CHST12: variants seen among roughly 807,000 people sequenced by gnomAD.
The protein encoded by CHST12 is carbohydrate (chondroitin 4) sulfotransferase 12.
Under a neutral mutation model 27.9 loss-of-function variants are expected in CHST12, and 23 were observed. That is an observed-to-expected ratio of 0.82 (90% CI 0.59 to 1.17). CHST12 has a LOEUF of 1.17. Ranked by LOEUF, CHST12 falls within the 50% of genes most tolerant of loss-of-function variation. The pLI, the probability that CHST12 is intolerant of heterozygous loss-of-function variation, is 0.00. For missense variants in CHST12, 682 were observed against 603.0 expected (o/e 1.13, Z -1.37); for synonymous variants, 322 against 273.0 (o/e 1.18, Z -1.77).
chr7:2,433,653 C>A lies in CHST12; in HGVS notation c.1014C>A (p.Phe338Leu). Residue 338 changes from phenylalanine (F) to leucine (L), a missense_variant, in exon 2 of 2, where the codon TTC becomes TTA. By Grantham distance (22) the Phe-to-Leu change is conservative. Transcript: ENST00000618655. This position sits in a 1 kb window ranked among gnomAD's most constrained non-coding sequence, Gnocchi z 6.1. ...ACCCGTGCCAGATCGACTACGACTT[C>A]GTGGGGAAGCTGGAGACTCTGGACG... ...LCHPCQIDYD[F>L]VGKLETLDED... 1.9e-6 allele frequency: 3 copies of A among 1,613,676 alleles called. No individual in the cohort carries two copies. The highest frequency in any genetic ancestry group is 3.3e-4 in the Middle Eastern group (2 of 6,062).
chr7:2,422,000 T>C (rs1020402449), intron 1 of CHST12, among the ~76,000 whole-genome samples: 2 of 152,330 alleles, frequency 1.3e-5, no homozygotes, highest in East Asian at 1.9e-4. Context: ...GTTGTATATA[T>C]GTAATGCTTC....
chr7:2,409,601 G>A (rs1418560768), intron 1 of CHST12, among the ~76,000 whole-genome samples: 1 of 146,692 alleles, frequency 6.8e-6, no homozygotes, highest in Non-Finnish European at 1.5e-5. Flanking sequence ...TAGCCTGGGT[G>A]ACAGAGCAAG....
At chr7:2,412,824 G>A (rs888018960) in intron 1 of CHST12, among the ~76,000 whole-genome samples, 1 of 151,912 alleles carries the variant, frequency 6.6e-6, no homozygotes, top group Non-Finnish European at 1.5e-5. Flanking sequence ...TATGTGCAAA[G>A]CCCTTAGAAC....
At chr7:2,421,546 T>G (rs1462299376) in intron 1 of CHST12, among the ~76,000 whole-genome samples, 16 of 151,698 alleles carry the variant, frequency 1.1e-4, no homozygotes, top group Admixed American at 1.1e-3. Context: ...AAATGGTCCT[T>G]CCATCTCAGC....
rs1782610181 is a variant in CHST12 at position 2,441,702 on chromosome 7, A to C, written c.*7818A>C. On this transcript the variant is annotated 3_prime_UTR_variant, in exon 2 of 2. Coordinates refer to ENST00000618655, the MANE Select transcript of CHST12 (RefSeq NM_018641.5). ...AGCAAGATCTTGTCTTAAAAAAAAA[A>C]AAAAAAAAAAAGGTGTTGTATTTTA... 3.9e-5 allele frequency: 6 copies of C among 151,978 alleles called. No homozygotes were observed. In the South Asian group the frequency reaches 6.2e-4, roughly 16 times the overall value. The allele number at this position is 151,978 out of a possible 1,614,324, so 9.4% of individuals were successfully genotyped here.
chr7:2,424,119 C>T (rs1313797757), intron 1 of CHST12, among the ~76,000 whole-genome samples: 1 of 151,178 alleles, frequency 6.6e-6, no homozygotes, highest in East Asian at 1.9e-4. Flanking sequence ...TTTGGAAGGC[C>T]ATGGTGGGAG....
intron 1 of CHST12, among the ~76,000 whole-genome samples, chr7:2,432,111 C>T (rs1782284377): frequency 7.5e-6 from 1 of 132,930 alleles, no homozygotes; most frequent in Admixed American, 8.7e-5. Flanking sequence ...CACTGCACTC[C>T]AGCCTGGGCG....
chr7:2,439,471 G>C lies in CHST12; in HGVS notation c.*5587G>C, dbSNP rs1782549357. On this transcript the variant is annotated 3_prime_UTR_variant, in exon 2 of 2. Transcript: ENST00000618655. Reference sequence around the variant, plus strand: ...CTGTCATCCAGGCTGGAGTGCAGTGGTGTGATCATAGCTCACTGCAGCCTC... The same window carrying C: ...CTGTCATCCAGGCTGGAGTGCAGTGCTGTGATCATAGCTCACTGCAGCCTC... 1.3e-5 allele frequency: 2 copies of C among 151,682 alleles called. No homozygotes were observed. The highest frequency in any genetic ancestry group is 2.4e-5 in the African/African-American group (1 of 41,318). 9.4% of individuals were successfully genotyped at this position (151,682 alleles called of 1,614,324 possible).
intron 1 of CHST12, among the ~76,000 whole-genome samples, chr7:2,415,424 C>T (rs989588652): frequency 1.3e-5 from 2 of 151,836 alleles, no homozygotes; most frequent in Non-Finnish European, 2.9e-5. Context: ...TGTGCAATAG[C>T]ATTATGTCTA....
intron 1 of CHST12, among the ~76,000 whole-genome samples, chr7:2,410,823 C>G (rs1458783193): frequency 6.6e-6 from 1 of 152,030 alleles, no homozygotes; most frequent in Non-Finnish European, 1.5e-5. Flanking sequence ...CAGTGGAGTC[C>G]TGGTCACGGG....
At chr7:2,423,826 A>G (rs1782038761) in intron 1 of CHST12, among the ~76,000 whole-genome samples, 1 of 152,172 alleles carries the variant, frequency 6.6e-6, no homozygotes, top group African/African-American at 2.4e-5. Context: ...GGCTCATGCC[A>G]GAAGCAGAGG....
intron 1 of CHST12, among the ~76,000 whole-genome samples, chr7:2,416,843 C>A (rs1236484114): frequency 2.0e-5 from 3 of 152,128 alleles, no homozygotes; most frequent in African/African-American, 7.2e-5. Context: ...CTACATTTTA[C>A]ATGTGAAAAG....
In CHST12 at chr7:2,432,739, T is replaced by G; in HGVS notation, c.100T>G (p.Phe34Val). ...VYWDSAGAAH[F>V]YLHTSFSRPH... ...CTGGGACAGCGCAGGCGCCGCGCAC[T>G]TCTACTTGCACACGTCCTTCTCTAG... Residue 34 changes from phenylalanine to valine, a missense_variant, in exon 2 of 2, where the codon TTC (phenylalanine) becomes GTC (valine). Coordinates refer to ENST00000618655, the MANE Select transcript of CHST12 (RefSeq NM_018641.5). 6.2e-7 allele frequency: 1 copy of G among 1,613,910 alleles called. No homozygotes were observed. Among genetic ancestry groups the G allele is most frequent in the Non-Finnish European group, 8.5e-7 (1 of 1,179,868 alleles).
chr7:2,441,830 G>A lies in CHST12; in HGVS notation c.*7946G>A, dbSNP rs905643304. 6.6e-6 allele frequency: 1 copy of A among 152,086 alleles called. No homozygotes were observed. Among genetic ancestry groups the A allele is most frequent in the Non-Finnish European group, 1.5e-5 (1 of 68,030 alleles). 9.4% of individuals were successfully genotyped at this position (152,086 alleles called of 1,614,324 possible). A position where few individuals can be genotyped will look rare whatever the true frequency, so the allele number is the denominator to read the frequency against. On this transcript the variant is annotated 3_prime_UTR_variant, in exon 2 of 2. Coordinates refer to ENST00000618655, the MANE Select transcript of CHST12 (RefSeq NM_018641.5). ...TTTTCTTGGGTGAATTGTGGTGGTG[G>A]TAATGGTTTTAACTGGTGTTAATTT...
intron 1 of CHST12, among the ~76,000 whole-genome samples, chr7:2,424,484 A>G (rs1782054612): frequency 6.6e-6 from 1 of 152,188 alleles, no homozygotes; most frequent in African/African-American, 2.4e-5. Context: ...AGTCTAGTCC[A>G]GTGCGTGAGA....
intron 1 of CHST12, among the ~76,000 whole-genome samples, chr7:2,411,283 T>C (rs1276853858): frequency 6.6e-6 from 1 of 151,976 alleles, no homozygotes; most frequent in East Asian, 1.9e-4. Flanking sequence ...CTTCTTGGTA[T>C]GTTGCGCAAG....
At chr7:2,416,851 A>G (rs930537947) in intron 1 of CHST12, among the ~76,000 whole-genome samples, 3 of 152,170 alleles carry the variant, frequency 2.0e-5, no homozygotes, top group African/African-American at 7.2e-5. Context: ...TACATGTGAA[A>G]AGAAGGGAGT....
At chr7:2,431,186 C>T (rs1042642465) in intron 1 of CHST12, among the ~76,000 whole-genome samples, 6 of 152,160 alleles carry the variant, frequency 3.9e-5, no homozygotes, top group African/African-American at 1.4e-4. Flanking sequence ...TTGGTGCATA[C>T]ATGTTTAGGA....
In CHST12 at chr7:2,440,834, A is replaced by G. The variant is rs1222457996; in HGVS notation, c.*6950A>G. On this transcript the variant is annotated 3_prime_UTR_variant, in exon 2 of 2. Transcript: ENST00000618655. The stretch of plus-strand genomic sequence containing the variant: ...TTTATCTTGGGGTCGGGAGTCAACG[A>G]TACTTCTTGTGCTGTCGTTTCTCCG... 1 of 152,138 alleles carries G rather than the reference A, an allele frequency of 6.6e-6. No homozygotes were observed. Among genetic ancestry groups the G allele is most frequent in the Non-Finnish European group, 1.5e-5 (1 of 68,028 alleles). 9.4% of individuals were successfully genotyped at this position (152,138 alleles called of 1,614,324 possible). A position where few individuals can be genotyped will look rare whatever the true frequency, so the allele number is the denominator to read the frequency against.
Sources: gnomAD v4.1 joint callset for allele counts (sites outside exome capture counted in the v4.1 genomes callset) on GRCh38, gnomAD v4.1.1 for gene constraint, Gnocchi (gnomAD v3.1) non-coding constraint, MANE v1.5 for transcripts, NCBI Gene and HGNC (gene_info 2026-07-23, HGNC 2026-07-21) for gene names.